MBD5: variants seen among roughly 807,000 people sequenced by gnomAD.
MBD5 encodes methyl-CpG binding domain protein 5.
A neutral mutation model predicts 117.3 loss-of-function variants in MBD5; 13 were observed. The ratio of observed to expected loss-of-function variants is 0.11; its 90% CI spans 0.07 to 0.18. MBD5 has a LOEUF of 0.18. Ranked by LOEUF, MBD5 falls within the 10% of genes least tolerant of loss-of-function variation. MBD5 has a pLI of 1.00. For missense variants in MBD5, 1,879 were observed against 2,093.8 expected (o/e 0.90, Z 2.00); for synonymous variants, 727 against 766.4 (o/e 0.95, Z 0.85).
chr2:148,186,202 G>A (rs1038382222), intron 2 of MBD5, among the ~76,000 whole-genome samples: 1 of 152,164 alleles, frequency 6.6e-6, no homozygotes, highest in African/African-American at 2.4e-5. Flanking sequence ...ATGGGGGCGG[G>A]TCTTTCATGT....
intron 1 of MBD5, among the ~76,000 whole-genome samples, chr2:148,164,919 T>G (rs1698089555): frequency 6.6e-6 from 1 of 152,248 alleles, no homozygotes. Flanking sequence ...GAACTTGTGG[T>G]AATTTAGAGG....
intron 2 of MBD5, among the ~76,000 whole-genome samples, 163 bp downstream of exon 2, chr2:148,178,956 T>C (rs1698451919): frequency 1.3e-5 from 2 of 152,214 alleles, no homozygotes; most frequent in South Asian, 2.1e-4. Flanking sequence ...TATTCCATAA[T>C]ATCATCTTGA....
chr2:148,155,312 C>T lies in MBD5; in HGVS notation c.-924-23388C>T, dbSNP rs148263144. Among the ~76,000 whole-genome samples the T allele has an allele frequency of 8.5e-5, 13 of 152,266 alleles. No individual in the cohort carries two copies. In the East Asian group the frequency reaches 2.5e-3, roughly 29 times the overall value. On this transcript the variant is annotated intron_variant, in intron 1 of 13. Transcript: ENST00000642680. ...TTACAGGATGAGGAAACAGCAGCTG[C>T]TCAGTGTGAGGCAGGAGTGTACCTG...
intron 3 of MBD5, among the ~76,000 whole-genome samples, chr2:148,322,133 A>G (rs1574283831): frequency 6.6e-6 from 1 of 152,360 alleles, no homozygotes; most frequent in South Asian, 2.1e-4. Flanking sequence ...AGGCAGATAC[A>G]TAAGCAAATT....
chr2:148,188,950 G>A (rs1462910604), intron 2 of MBD5, among the ~76,000 whole-genome samples: 14 of 151,566 alleles, frequency 9.2e-5, no homozygotes, highest in African/African-American at 3.2e-4. Flanking sequence ...CCTGGGAAGC[G>A]CAAGGGGTCA....
Position 148,229,184 on chromosome 2 carries a change from C to CT in MBD5, c.-830-4051dup, listed in dbSNP as rs200530432. Among the ~76,000 whole-genome samples, 868 of 146,316 alleles carry CT rather than the reference C, an allele frequency of 5.9e-3. 5 individuals are homozygous for CT. The highest frequency in any genetic ancestry group is 0.018 in the African/African-American group (706 of 39,828). On this transcript the variant is annotated intron_variant, in intron 2 of 13. Coordinates refer to ENST00000642680, the MANE Select transcript of MBD5 (RefSeq NM_001378120.1). ...TGCTTCATTGTTTTTTCTTTTCTTT[C>CT]TTTTTTTTTTGTCTTTTCTGTGTAT...
chr2:148,132,931 A>G (rs969749554), intron 1 of MBD5, among the ~76,000 whole-genome samples: 2 of 152,210 alleles, frequency 1.3e-5, no homozygotes, highest in African/African-American at 4.8e-5. Context: ...CATAAAATGC[A>G]TTAAACAGTG....
chr2:148,214,983 A>G (rs528961037), intron 2 of MBD5, among the ~76,000 whole-genome samples: 1 of 152,318 alleles, frequency 6.6e-6, no homozygotes, highest in South Asian at 2.1e-4. Context: ...TAGTAGTTGT[A>G]CTTTATTATT....
chr2:148,468,239 C>CA (rs1383362542), intron 7 of MBD5, 102 bp from the exon 8 acceptor site: 6 of 911,464 alleles, frequency 6.6e-6, no homozygotes, highest in Non-Finnish European at 8.8e-6. Flanking sequence ...TCCAGATGCC[C>CA]ATCCTCCCTC....
intron 3 of MBD5, among the ~76,000 whole-genome samples, chr2:148,305,999 T>C (rs577443765): frequency 2.0e-5 from 3 of 152,358 alleles, no homozygotes; most frequent in Admixed American, 6.5e-5. Flanking sequence ...GACCTGATTA[T>C]TTAAATAAGC....
At chr2:148,398,859 C>G (rs960261287) in intron 4 of MBD5, among the ~76,000 whole-genome samples, 2 of 152,168 alleles carry the variant, frequency 1.3e-5, no homozygotes, top group Admixed American at 1.3e-4. Context: ...TCAGTTTCAG[C>G]TTTCTACATA....
intron 1 of MBD5, among the ~76,000 whole-genome samples, chr2:148,061,467 T>A (rs1695033288): frequency 6.6e-6 from 1 of 152,048 alleles, no homozygotes; most frequent in Non-Finnish European, 1.5e-5. Flanking sequence ...ATCTAGTTTT[T>A]CTTACTCATT....
chr2:148,239,973 T>G (rs2106186326), intron 3 of MBD5, among the ~76,000 whole-genome samples: 1 of 152,288 alleles, frequency 6.6e-6, no homozygotes, highest in African/African-American at 2.4e-5. Context: ...ACACATATGT[T>G]TATTGCGGCA....
chr2:148,056,324 T>A (rs1314546852), intron 1 of MBD5, among the ~76,000 whole-genome samples: 3 of 152,134 alleles, frequency 2.0e-5, no homozygotes, highest in African/African-American at 7.2e-5. Context: ...TTCCAAACCT[T>A]ATGCCTTTTA....
Position 148,468,905 on chromosome 2 carries a change from T to C in MBD5, c.962T>C (p.Met321Thr), listed in dbSNP as rs140978568. The change falls in exon 8 of 14, where the codon ATG (methionine) becomes ACG (threonine). Residue 321 changes from methionine to threonine, a missense_variant. This residue lies in a region of MBD5 where 1,666 missense variants were observed against 1,792.2 expected (regional missense o/e 0.93). Transcript: ENST00000642680. ...CCAATGTGTAATTTTTCAACTAATATGGAAATACCACGAGCAATGTTCCAC... is the reference window on the plus strand; with the variant it reads ...CCAATGTGTAATTTTTCAACTAATACGGAAATACCACGAGCAATGTTCCAC... ...KKPMCNFSTN[M>T]EIPRAMFHHK... 2 of 1,613,704 alleles carry C rather than the reference T, an allele frequency of 1.2e-6. No individual in the cohort carries two copies. Among genetic ancestry groups the C allele is most frequent in the African/African-American group, 1.3e-5 (1 of 74,886 alleles).
chr2:148,163,155 C>A lies in MBD5; in HGVS notation c.-924-15545C>A, dbSNP rs189609903. Among the ~76,000 whole-genome samples, 9 of 152,270 alleles carry A rather than the reference C, an allele frequency of 5.9e-5. No homozygotes were observed. In the East Asian group the frequency reaches 1.7e-3, roughly 29 times the overall value. On this transcript the variant is annotated intron_variant, in intron 1 of 13. Transcript: ENST00000642680. ...GTTTATATCACAAGTTGAGAAACTG[C>A]CACATATTTTTTCTAAATGTTTTGG...
At chr2:148,046,422 A>G (rs868821246) in intron 1 of MBD5, among the ~76,000 whole-genome samples, 3 of 152,214 alleles carry the variant, frequency 2.0e-5, no homozygotes, top group Non-Finnish European at 2.9e-5. Flanking sequence ...CTGAGTGGTT[A>G]GCAGTATAAG....
At chr2:148,090,800 C>T (rs1695921925) in intron 1 of MBD5, among the ~76,000 whole-genome samples, 1 of 152,094 alleles carries the variant, frequency 6.6e-6, no homozygotes, top group African/African-American at 2.4e-5. Flanking sequence ...AGGATGTCCA[C>T]TTTCACCACT....
In MBD5 at chr2:148,513,106, T is replaced by C; in HGVS notation, c.*165T>C. On this transcript the variant is annotated 3_prime_UTR_variant, in exon 14 of 14. Coordinates refer to ENST00000642680, the MANE Select transcript of MBD5 (RefSeq NM_001378120.1). Reference sequence around the variant, plus strand: ...AAACAGTGATACAAAATTTTTTTGATCAGGAAGGATAATGAATGCTGGAAA... The same window carrying C: ...AAACAGTGATACAAAATTTTTTTGACCAGGAAGGATAATGAATGCTGGAAA... 1.5e-6 allele frequency: 1 copy of C among 680,788 alleles called. No homozygotes were observed. Among genetic ancestry groups the C allele is most frequent in the Non-Finnish European group, 2.5e-6 (1 of 393,750 alleles). The allele number at this position is 680,788 out of a possible 1,614,324, so 42.2% of individuals were successfully genotyped here.
Sources: allele counts gnomAD v4.1 joint callset (sites outside exome capture counted in the v4.1 genomes callset), GRCh38; gene constraint gnomAD v4.1.1; regional missense constraint gnomAD v4.1.1; transcripts MANE v1.5; gene names NCBI Gene and HGNC (gene_info 2026-07-23, HGNC 2026-07-21).